Variants in VAT1L observed in about 807,000 individuals in gnomAD.
VAT1L encodes the protein putative NADPH-dependent quinone oxidoreductase VAT1L.
In VAT1L, 34 loss-of-function variants were observed where a neutral mutation model predicts 44.1. That is an observed-to-expected ratio of 0.77 (90% confidence interval 0.59 to 1.03). The LOEUF (loss-of-function observed/expected upper bound fraction) is 1.03, where lower values mean the gene tolerates loss of function less well. VAT1L is among the 50% of genes least tolerant of loss of function. The probability of loss-of-function intolerance (pLI) is 0.00; values close to 1 mark genes in which losing one functional copy is unlikely to be tolerated. For synonymous variants in VAT1L, 253 were observed against 202.2 expected (o/e 1.25, Z -2.13); for missense variants, 615 against 538.8 (o/e 1.14, Z -1.40).
At chr16:77,911,014 C>A (rs1327236353) in intron 7 of VAT1L, among the ~76,000 whole-genome samples, 2 of 152,156 alleles carry the variant, frequency 1.3e-5, no homozygotes, top group African/African-American at 4.8e-5. Flanking sequence ...GGATCTGAAC[C>A]CATGCAACCT....
intron 3 of VAT1L, among the ~76,000 whole-genome samples, chr16:77,859,318 G>C (rs531845700): frequency 5.9e-5 from 9 of 152,160 alleles, no homozygotes; most frequent in Non-Finnish European, 8.8e-5. Flanking sequence ...AAAGTAAGAT[G>C]AAAGGTCATT....
At chr16:77,907,960 G>A (rs398995) in intron 7 of VAT1L, among the ~76,000 whole-genome samples, 1 of 152,128 alleles carries the variant, frequency 6.6e-6, no homozygotes, top group Non-Finnish European at 1.5e-5. Flanking sequence ...CATCAAAAGG[G>A]CTGGACACGG....
At chr16:77,970,356 T>A (rs914428204) in intron 7 of VAT1L, among the ~76,000 whole-genome samples, 10 of 152,248 alleles carry the variant, frequency 6.6e-5, no homozygotes, top group African/African-American at 7.2e-5. Flanking sequence ...TTAAAAGGCA[T>A]CCATTTCTTC....
At chr16:77,930,279 G>A (rs1487542125) in intron 7 of VAT1L, among the ~76,000 whole-genome samples, 1 of 152,278 alleles carries the variant, frequency 6.6e-6, no homozygotes, top group African/African-American at 2.4e-5. Context: ...CATGGCCTCA[G>A]TGAAAGCCAC....
intron 7 of VAT1L, among the ~76,000 whole-genome samples, chr16:77,937,807 G>A (rs1016977730): frequency 1.3e-5 from 2 of 152,192 alleles, no homozygotes; most frequent in Admixed American, 6.5e-5. Context: ...ATAAGGGGAG[G>A]AGATAACCTG....
At chr16:77,873,295 T>A (rs558442861) in intron 4 of VAT1L, among the ~76,000 whole-genome samples, 368 of 152,336 alleles carry the variant, frequency 2.4e-3, no homozygotes, top group South Asian at 0.011. Context: ...CGTGATTTCA[T>A]TTTTTTAAAA....
chr16:77,971,948 G>T lies in VAT1L; in HGVS notation c.1161+15G>T. 1 of 1,611,916 alleles carries T rather than the reference G, an allele frequency of 6.2e-7. No individual in the cohort carries two copies. Among genetic ancestry groups the T allele is most frequent in the Admixed American group, 1.7e-5 (1 of 59,698 alleles). On this transcript the variant is annotated intron_variant, in intron 8 of 8. Coordinates refer to ENST00000302536, the MANE Select transcript of VAT1L (RefSeq NM_020927.3). ...CAACTCCACTGGTGAGTGAAAAGCA[G>T]AGGAGTCTGTTCAGTTCCACGCGAG...
intron 1 of VAT1L, among the ~76,000 whole-genome samples, chr16:77,797,863 G>C (rs1281865865): frequency 6.6e-6 from 1 of 152,192 alleles, no homozygotes. Context: ...CATGTAATCT[G>C]AAATTAGTTT....
chr16:77,842,045 G>A (rs1490311072), intron 3 of VAT1L, among the ~76,000 whole-genome samples: 4 of 152,166 alleles, frequency 2.6e-5, no homozygotes, highest in South Asian at 2.1e-4. Flanking sequence ...CCGCCACCAC[G>A]CCTGGCTAAT....
chr16:77,790,606 C>A (rs898242698), intron 1 of VAT1L, among the ~76,000 whole-genome samples: 23 of 152,082 alleles, frequency 1.5e-4, no homozygotes, highest in African/African-American at 5.6e-4. Context: ...AAAAAAATTA[C>A]CTGTATACAC....
At chr16:77,810,423 C>A (rs1408087044) in intron 1 of VAT1L, among the ~76,000 whole-genome samples, 5 of 152,138 alleles carry the variant, frequency 3.3e-5, no homozygotes, top group Non-Finnish European at 5.9e-5. Flanking sequence ...ATTCACAATA[C>A]TACTAACACT....
chr16:77,877,233 G>A (rs533691887), intron 5 of VAT1L, among the ~76,000 whole-genome samples: 13 of 152,124 alleles, frequency 8.5e-5, no homozygotes, highest in South Asian at 2.1e-4. Context: ...TCCACAGGCC[G>A]GGCGCAGTGG....
At chr16:77,957,344 A>G (rs1203739822) in intron 7 of VAT1L, among the ~76,000 whole-genome samples, 1 of 152,250 alleles carries the variant, frequency 6.6e-6, no homozygotes, top group Non-Finnish European at 1.5e-5. Flanking sequence ...TCATTAGTAA[A>G]TAACTAGAGT....
chr16:77,919,709 G>C (rs995827062), intron 7 of VAT1L, among the ~76,000 whole-genome samples: 2 of 152,186 alleles, frequency 1.3e-5, no homozygotes, highest in Admixed American at 6.5e-5. Flanking sequence ...TGAGTTTGCA[G>C]AGCAAGAATT....
intron 7 of VAT1L, among the ~76,000 whole-genome samples, chr16:77,944,645 G>A (rs942224021): frequency 2.0e-5 from 3 of 152,098 alleles, no homozygotes; most frequent in African/African-American, 7.2e-5. Flanking sequence ...GTTACTGCTG[G>A]TATATTGTTA....
rs55704400 is a variant in VAT1L at position 77,877,512 on chromosome 16, C to CAA, written c.826+1069_826+1070dup. On this transcript the variant is annotated intron_variant, in intron 5 of 8. Transcript: ENST00000302536. Reference sequence around the variant, plus strand: ...TGGGCGACAGAGCGGGACTCTGTCTCAAAAAAAAAAAAAAAAAAAAAAAAA... The same window carrying CAA: ...TGGGCGACAGAGCGGGACTCTGTCTCAAAAAAAAAAAAAAAAAAAAAAAAAAA... 8.0e-3 allele frequency among the ~76,000 whole-genome samples: 691 copies of CAA among 86,642 alleles called. 50 individuals carry two copies. Among genetic ancestry groups the CAA allele is most frequent in the Non-Finnish European group, 0.01 (417 of 40,046 alleles). The allele number at this position is 86,642 out of a possible 152,430, so 56.8% of individuals were successfully genotyped here. A position where few individuals can be genotyped will look rare whatever the true frequency, so the allele number is the denominator to read the frequency against.
intron 1 of VAT1L, among the ~76,000 whole-genome samples, chr16:77,790,450 A>G (rs569916166): frequency 6.6e-6 from 1 of 152,270 alleles, no homozygotes; most frequent in East Asian, 1.9e-4. Flanking sequence ...ATCCTAAATA[A>G]GTTATCGCTG....
At chr16:77,862,671 C>T in intron 3 of VAT1L, 77 bp from the exon 4 acceptor site, 1 of 1,161,652 alleles carries the variant, frequency 8.6e-7, no homozygotes, top group Non-Finnish European at 1.2e-6. Context: ...ATGGAGAAAT[C>T]CTGCTCTACA....
At chr16:77,815,750 C>T (rs1005045084) in intron 1 of VAT1L, among the ~76,000 whole-genome samples, 2 of 151,774 alleles carry the variant, frequency 1.3e-5, no homozygotes, top group Admixed American at 1.3e-4. Context: ...GGGCGGATCA[C>T]CTGAGTTAGG....
Sources: allele counts gnomAD v4.1 joint callset (sites outside exome capture counted in the v4.1 genomes callset), GRCh38; gene constraint gnomAD v4.1.1; transcripts MANE v1.5; gene names NCBI Gene and HGNC (gene_info 2026-07-23, HGNC 2026-07-21).